The following ASIC2 variants were observed in gnomAD, a reference collection of about 807,000 sequenced individuals.
ASIC2 encodes acid sensing ion channel subunit 2.
ASIC2 carries 25 observed loss-of-function variants against 57.3 expected under a neutral mutation model. The ratio of observed to expected loss-of-function variants is 0.44; its 90% CI spans 0.32 to 0.61. ASIC2 has a LOEUF of 0.61. Ranked by LOEUF, ASIC2 falls within the 20% of genes least tolerant of loss-of-function variation. ASIC2 has a pLI of 0.06. For missense variants in ASIC2, 641 were observed against 738.1 expected, an observed-to-expected ratio of 0.87 and a Z score of 1.52; for synonymous variants, 319 against 307.5, an observed-to-expected ratio of 1.04 and a Z score of -0.39.
intron 1 of ASIC2, among the ~76,000 whole-genome samples, chr17:33,580,604 C>T (rs1297316016): frequency 6.6e-6 from 1 of 152,030 alleles, no homozygotes; most frequent in African/African-American, 2.4e-5. Context: ...CAGGTTAGCT[C>T]AGGATTAGGA....
intron 1 of ASIC2, among the ~76,000 whole-genome samples, chr17:33,175,839 CCACCTTG>C (rs1378215111): frequency 6.6e-6 from 1 of 152,166 alleles, no homozygotes; most frequent in African/African-American, 2.4e-5. Flanking sequence ...AGTGTATTCT[CCACCTTG>C]CGGCCAAGAT....
chr17:33,274,804 C>T (rs12452394), intron 1 of ASIC2, among the ~76,000 whole-genome samples: 18 of 151,832 alleles, frequency 1.2e-4, no homozygotes, highest in African/African-American at 3.4e-4. Context: ...AGGCCCAGAG[C>T]GGGCAGCTAA....
At chr17:33,716,135 G>C (rs183917030) in intron 1 of ASIC2, among the ~76,000 whole-genome samples, 54 of 152,228 alleles carry the variant, frequency 3.5e-4, no homozygotes, top group Admixed American at 1.2e-3. Flanking sequence ...TCCAAGCCTA[G>C]ACAACTTATT....
chr17:33,950,375 A>G (rs1235402629), intron 1 of ASIC2, among the ~76,000 whole-genome samples: 1 of 152,248 alleles, frequency 6.6e-6, no homozygotes, highest in Non-Finnish European at 1.5e-5. Flanking sequence ...CCAAAATGAA[A>G]TCAGATTCCG....
chr17:34,099,166 AAGAAAGAAAG>A (rs1472872041), intron 1 of ASIC2, among the ~76,000 whole-genome samples: 1 of 5,958 alleles, frequency 1.7e-4, no homozygotes, highest in Non-Finnish European at 8.1e-4. Context: ...GAGAGAGAGA[AAGAAAGAAAG>A]AAAGAAAGAA....
chr17:33,816,119 C>T (rs1404475734), intron 1 of ASIC2, among the ~76,000 whole-genome samples: 1 of 128,820 alleles, frequency 7.8e-6, no homozygotes, highest in East Asian at 2.3e-4. Flanking sequence ...GGGGAGACTT[C>T]CAGAGCAGGT....
chr17:33,551,651 C>A (rs925144027), intron 1 of ASIC2, among the ~76,000 whole-genome samples: 2 of 152,132 alleles, frequency 1.3e-5, no homozygotes, highest in African/African-American at 4.8e-5. Flanking sequence ...CCCCTAGGAC[C>A]CCCAGCTCTC....
rs1408469043 is a variant in ASIC2 at position 33,292,528 on chromosome 17, C to T, written c.-413G>A. 1 of 985,804 alleles carries T rather than the reference C, an allele frequency of 1.0e-6. No homozygotes were observed. The highest frequency in any genetic ancestry group is 1.2e-6 in the Non-Finnish European group (1 of 830,278). The allele number at this position is 985,804 out of a possible 1,614,324, so 61.1% of individuals were successfully genotyped here. ...GGACCCTGAGCCGAGTCCCCCCTGC[C>T]CCGCCTAACCCCAGCTTTTACGCTG... On this transcript the variant is annotated 5_prime_UTR_variant, in exon 1 of 10. Transcript: ENST00000225823.
intron 3 of ASIC2, among the ~76,000 whole-genome samples, chr17:33,058,096 T>C (rs1047081806): frequency 1.3e-5 from 2 of 152,214 alleles, no homozygotes; most frequent in Non-Finnish European, 2.9e-5. Flanking sequence ...TGAAAGTCCC[T>C]GTACCATGGA....
At chr17:33,034,135 C>A (rs2091898509) in intron 3 of ASIC2, among the ~76,000 whole-genome samples, 1 of 152,164 alleles carries the variant, frequency 6.6e-6, no homozygotes, top group African/African-American at 2.4e-5. Context: ...GAGCTACCCA[C>A]TTCTCTGAGC....
chr17:33,394,386 G>A (rs1470807302), intron 1 of ASIC2, among the ~76,000 whole-genome samples: 1 of 152,208 alleles, frequency 6.6e-6, no homozygotes, highest in Admixed American at 6.5e-5. Flanking sequence ...TTCAACAAAT[G>A]CTGATACTTG....
At chr17:34,022,482 T>C (rs1907202983) in intron 1 of ASIC2, among the ~76,000 whole-genome samples, 1 of 152,092 alleles carries the variant, frequency 6.6e-6, no homozygotes, top group African/African-American at 2.4e-5. Flanking sequence ...AATCACTGAG[T>C]ATCCACCCTT....
At chr17:34,066,775 CT>C (rs1242501408) in intron 1 of ASIC2, among the ~76,000 whole-genome samples, 1 of 152,080 alleles carries the variant, frequency 6.6e-6, no homozygotes, top group Non-Finnish European at 1.5e-5. Context: ...AAGTGGACTG[CT>C]TTGGGTGGTT....
At position 33,659,849 on chromosome 17, in the gene ASIC2, G is replaced by A. The variant is rs532277600; in HGVS notation, c.555+496129C>T. On this transcript the variant is annotated intron_variant, in intron 1 of 9. Transcript: ENST00000359872. ...ATCGCGCCACTGCACTCCAGCCTGG[G>A]TGACAGAGCGAGACTCTGTCTCAAA... is the stretch of plus-strand genomic sequence containing the variant. Among the ~76,000 whole-genome samples, 749 of 150,286 alleles carry A rather than the reference G, an allele frequency of 5.0e-3. 7 individuals carry two copies. Among genetic ancestry groups the A allele is most frequent in the African/African-American group, 0.017 (707 of 40,882 alleles).
At chr17:33,642,490 T>G (rs1299930025) in intron 1 of ASIC2, among the ~76,000 whole-genome samples, 1 of 152,236 alleles carries the variant, frequency 6.6e-6, no homozygotes, top group Non-Finnish European at 1.5e-5. Context: ...GCACAATGCC[T>G]GCCCCTTGTA....
intron 3 of ASIC2, among the ~76,000 whole-genome samples, chr17:33,060,000 T>C (rs2092014151): frequency 6.6e-6 from 1 of 152,096 alleles, no homozygotes; most frequent in African/African-American, 2.4e-5. Flanking sequence ...CACTTTTTGA[T>C]GGGGTTGTTT....
intron 1 of ASIC2, among the ~76,000 whole-genome samples, chr17:33,451,051 G>A (rs1162340220): frequency 4.0e-5 from 5 of 125,040 alleles, no homozygotes; most frequent in East Asian, 2.4e-4. Context: ...TGTCAGAGGC[G>A]TACATGTACT....
intron 3 of ASIC2, among the ~76,000 whole-genome samples, chr17:33,037,947 G>A (rs1193757495): frequency 6.6e-6 from 1 of 152,142 alleles, no homozygotes; most frequent in African/African-American, 2.4e-5. Flanking sequence ...TTCAAGCATT[G>A]GGTGTACAGT....
intron 1 of ASIC2, among the ~76,000 whole-genome samples, chr17:33,864,047 G>A (rs541203704): frequency 2.0e-5 from 3 of 152,070 alleles, no homozygotes; most frequent in Non-Finnish European, 2.9e-5. Flanking sequence ...GGGATTACAG[G>A]CAAGCACTAT....
Sources: allele counts gnomAD v4.1 joint callset (sites outside exome capture counted in the v4.1 genomes callset), GRCh38; gene constraint gnomAD v4.1.1; transcripts MANE v1.5; gene names NCBI Gene and HGNC (gene_info 2026-07-23, HGNC 2026-07-21).